Variants in HORMAD2 observed in about 807,000 individuals in gnomAD.
HORMAD2 encodes HORMA domain containing 2, also known as HORMA domain-containing protein 2.
A neutral mutation model predicts 38.8 loss-of-function variants in HORMAD2; 45 were observed. The observed-to-expected ratio is 1.16, with a 90% CI of 0.91 to 1.49. HORMAD2 has a LOEUF of 1.49. Among genes scored for constraint, HORMAD2 ranks in the 40% most tolerant of loss-of-function variants. The pLI, the probability that HORMAD2 is intolerant of heterozygous loss-of-function variation, is 0.00. For missense variants in HORMAD2, 338 were observed against 367.0 expected, an observed-to-expected ratio of 0.92 and a Z score of 0.65; for synonymous variants, 126 against 122.8, an observed-to-expected ratio of 1.03 and a Z score of -0.17.
the HORMAD2 span, chr22:30,184,905 A>G: frequency 1.3e-5 from 2 of 152,340 alleles, no homozygotes; most frequent in South Asian, 2.1e-4. Context: ...ACAGTGGTGC[A>G]AGGCAGGGTA....
chr22:30,160,469 T>C (rs1488152601), intron 10 of HORMAD2, among the ~76,000 whole-genome samples: 1 of 151,960 alleles, frequency 6.6e-6, no homozygotes, highest in African/African-American at 2.4e-5. Flanking sequence ...TAAAACAACT[T>C]GAAGAGGGTG....
intron 2 of HORMAD2, among the ~76,000 whole-genome samples, chr22:30,094,442 AGTTT>A (rs1330516835): frequency 6.6e-6 from 1 of 152,220 alleles, no homozygotes; most frequent in African/African-American, 2.4e-5. Flanking sequence ...CATATAGTTT[AGTTT>A]GTCTCATGAC....
intron 10 of HORMAD2, among the ~76,000 whole-genome samples, chr22:30,170,743 A>T (rs1926060825): frequency 6.6e-6 from 1 of 152,102 alleles, no homozygotes; most frequent in Non-Finnish European, 1.5e-5. Flanking sequence ...CTCTCTTCTA[A>T]GGAGCCTTCT....
the HORMAD2 span, among the ~76,000 whole-genome samples, chr22:30,183,032 T>C: frequency 2.0e-5 from 3 of 152,212 alleles, no homozygotes; most frequent in Non-Finnish European, 4.4e-5. Context: ...ACATACTTGC[T>C]TACGCACATT....
chr22:30,176,320 A>C lies in HORMAD2; in HGVS notation c.*153A>C. On this transcript the variant is annotated 3_prime_UTR_variant, in exon 11 of 11. Transcript: ENST00000336726. The stretch of plus-strand genomic sequence containing the variant: ...TTTGTCAGTTGCTAAGTGCTAAATT[A>C]CTGGCCAGGTAGGACGCGAGTCCAC... The C allele has an allele frequency of 1.7e-6, 1 of 601,282 alleles. No individual in the cohort carries two copies. Among genetic ancestry groups the C allele is most frequent in the Non-Finnish European group, 2.9e-6 (1 of 342,668 alleles). The allele number at this position is 601,282 out of a possible 1,614,324, so 37.2% of individuals were successfully genotyped here.
At chr22:30,112,445 G>A (rs1921736699) in intron 6 of HORMAD2, 51 bp from the exon 7 acceptor site, 1 of 889,136 alleles carries the variant, frequency 1.1e-6, no homozygotes, top group Non-Finnish European at 1.8e-6. Context: ...TTGATGAGGA[G>A]TAATCTAGTA....
intron 10 of HORMAD2, among the ~76,000 whole-genome samples, chr22:30,162,173 C>T (rs891330240): frequency 6.6e-6 from 1 of 151,984 alleles, no homozygotes; most frequent in East Asian, 1.9e-4. Context: ...ATTAGCTGGG[C>T]GTGGTGATGT....
At position 30,129,217 on chromosome 22, in the gene HORMAD2, CAAAAAAAAAAAAAAAAAA is replaced by C. The variant is rs750796623; in HGVS notation, c.819+7025_819+7042del. 2.3e-3 allele frequency among the ~76,000 whole-genome samples: 52 copies of C among 22,640 alleles called. 1 individual carries two copies. In the East Asian group the frequency reaches 0.042, roughly 18 times the overall value. The allele number at this position is 22,640 out of a possible 152,430, so 14.9% of individuals were successfully genotyped here. A position where few individuals can be genotyped will look rare whatever the true frequency, so the allele number is the denominator to read the frequency against. ...TGGGTGGCAGAGTGAGACTCTATCTCAAAAAAAAAAAAAAAAAAAAAAAAAAAAAAAAAAAAAAAGAGA... is the reference window on the plus strand; with the variant it reads ...TGGGTGGCAGAGTGAGACTCTATCTCAAAAAAAAAAAAAAAAAAAAAGAGA... On this transcript the variant is annotated intron_variant, in intron 10 of 10. Coordinates refer to ENST00000336726, the MANE Select transcript of HORMAD2 (RefSeq NM_152510.4).
chr22:30,176,167 A>T lies in HORMAD2; in HGVS notation c.924A>T (p.Ter308CysextTer12), dbSNP rs879733048. The change falls in exon 11 of 11, where the codon TGA becomes TGT. Residue 308 changes from the stop codon to cysteine (C), a stop_lost. Coordinates refer to ENST00000336726, the MANE Select transcript of HORMAD2 (RefSeq NM_152510.4). ...PVKVFIPNRK[*>C] ...AGGTCTTCATCCCTAACAGAAAATGAAAGCTAAATATTCCTTCTACATTTA... is the reference window on the plus strand; with the variant it reads ...AGGTCTTCATCCCTAACAGAAAATGTAAGCTAAATATTCCTTCTACATTTA... The T allele has an allele frequency of 6.5e-7, 1 of 1,546,450 alleles. No individual in the cohort carries two copies. The highest frequency in any genetic ancestry group is 2.2e-5 in the East Asian group (1 of 44,516).
In HORMAD2 at chr22:30,122,169, C is replaced by T; in HGVS notation, c.774C>T (p.Ala258=). Residue 258 remains alanine, a synonymous_variant, in exon 10 of 11, where the codon GCC becomes GCT. Coordinates refer to ENST00000336726, the MANE Select transcript of HORMAD2 (RefSeq NM_152510.4). ...LFRENSTTEI[A]HQGLDCDEEE... is the part of the protein sequence containing the mutation. ...GGGAGAACAGCACTACTGAGATCGC[C>T]CATCAGGGTCTAGACTGTGATGAGG... The T allele has an allele frequency of 1.2e-6, 2 of 1,613,340 alleles. No homozygotes were observed. Among genetic ancestry groups the T allele is most frequent in the Non-Finnish European group, 1.7e-6 (2 of 1,179,578 alleles).
chr22:30,170,284 TCA>T lies in HORMAD2; in HGVS notation c.820-5777_820-5776del, dbSNP rs1491554703. 2.0e-5 allele frequency among the ~76,000 whole-genome samples: 3 copies of T among 152,164 alleles called. No homozygotes were observed. In the East Asian group the frequency reaches 5.8e-4, roughly 29 times the overall value. ...ACTACACTCACCCCAGGCACACAAC[TCA>T]CTGTATTTCCTGGCTGCCTGGGGCT... On this transcript the variant is annotated intron_variant, in intron 10 of 10. Transcript: ENST00000336726.
chr22:30,083,670 C>G (rs531682018), intron 1 of HORMAD2, among the ~76,000 whole-genome samples: 1 of 152,176 alleles, frequency 6.6e-6, no homozygotes, highest in African/African-American at 2.4e-5. Context: ...GGCTGGAGTG[C>G]AATGGTGCAA....
intron 5 of HORMAD2, among the ~76,000 whole-genome samples, chr22:30,108,912 C>T (rs374761820): frequency 4.6e-5 from 7 of 151,408 alleles, no homozygotes; most frequent in East Asian, 1.9e-4. Context: ...TTCTTTCTCT[C>T]GCTCTCTCTT....
At chr22:30,140,541 A>G (rs1364378532) in intron 10 of HORMAD2, among the ~76,000 whole-genome samples, 1 of 152,058 alleles carries the variant, frequency 6.6e-6, no homozygotes, top group Non-Finnish European at 1.5e-5. Context: ...GGCAATTTCC[A>G]TTTCATCTAA....
intron 10 of HORMAD2, among the ~76,000 whole-genome samples, chr22:30,141,133 G>C (rs1224434326): frequency 6.6e-6 from 1 of 152,026 alleles, no homozygotes; most frequent in Non-Finnish European, 1.5e-5. Context: ...GAGTAGCTGG[G>C]ATTACAGGCA....
chr22:30,173,786 A>C (rs1396163677), intron 10 of HORMAD2, among the ~76,000 whole-genome samples: 3 of 152,188 alleles, frequency 2.0e-5, no homozygotes, highest in Non-Finnish European at 4.4e-5. Flanking sequence ...GAATAAGGAG[A>C]AAGACAGCCA....
intron 7 of HORMAD2, among the ~76,000 whole-genome samples, chr22:30,117,470 A>T (rs1056852473): frequency 2.7e-5 from 4 of 150,178 alleles, no homozygotes; most frequent in African/African-American, 9.8e-5. Flanking sequence ...TTATTTATTT[A>T]TTTTTATATT....
At chr22:30,159,039 T>G (rs1453517635) in intron 10 of HORMAD2, among the ~76,000 whole-genome samples, 1 of 152,202 alleles carries the variant, frequency 6.6e-6, no homozygotes, top group Non-Finnish European at 1.5e-5. Flanking sequence ...CATTTTAAAA[T>G]TCTTTTATAT....
At chr22:30,191,400 AG>A in the HORMAD2 span, among the ~76,000 whole-genome samples, 3 of 152,080 alleles carry the variant, frequency 2.0e-5, no homozygotes, top group African/African-American at 7.2e-5. Flanking sequence ...TGGGAAGAGG[AG>A]GGGGGCTCCT....
Sources: gnomAD v4.1 joint callset for allele counts (sites outside exome capture counted in the v4.1 genomes callset) on GRCh38, gnomAD v4.1.1 for gene constraint, MANE v1.5 for transcripts, NCBI Gene and HGNC (gene_info 2026-07-23, HGNC 2026-07-21) for gene names.